Variants in DST observed in about 807,000 individuals in gnomAD.
The protein encoded by DST is dystonin.
DST carries 253 observed loss-of-function variants against 875.2 expected under a neutral mutation model. The ratio of observed to expected loss-of-function variants is 0.29; its 90% CI spans 0.26 to 0.32. The LOEUF is 0.32. Among genes scored for constraint, DST ranks in the 10% least tolerant of loss-of-function variants. The pLI, the probability that DST is intolerant of heterozygous loss-of-function variation, is 1.00. For synonymous variants in DST, 3,124 were observed against 3,197.1 expected, an observed-to-expected ratio of 0.98 and a Z score of 0.77; for missense variants, 8,287 against 9,111.6, an observed-to-expected ratio of 0.91 and a Z score of 3.68.
chr6:56,686,660 T>C (rs1429304053), intron 9 of DST, among the ~76,000 whole-genome samples: 2 of 152,156 alleles, frequency 1.3e-5, no homozygotes, highest in Admixed American at 1.3e-4. Flanking sequence ...AATGAGAGGA[T>C]GAATGAAGGT....
chr6:56,579,503 C>T (rs957265853), intron 49 of DST, among the ~76,000 whole-genome samples: 3 of 152,006 alleles, frequency 2.0e-5, no homozygotes, highest in Non-Finnish European at 2.9e-5. Flanking sequence ...TTTTATGGTT[C>T]GAGGCAGGAA....
intron 92 of DST, among the ~76,000 whole-genome samples, chr6:56,475,582 T>C (rs1356532025): frequency 6.6e-6 from 1 of 152,214 alleles, no homozygotes; most frequent in Non-Finnish European, 1.5e-5. Flanking sequence ...GAAGGATATA[T>C]AGGAAGGCTG....
intron 36 of DST, chr6:56,615,069 C>G: frequency 2.0e-6 from 2 of 1,017,330 alleles, no homozygotes. Flanking sequence ...CAATCTAAAA[C>G]ACTGCAGCTT....
intron 48 of DST, 27 bp from the exon 49 acceptor site, chr6:56,592,385 G>A: frequency 6.5e-7 from 1 of 1,548,150 alleles, no homozygotes; most frequent in Non-Finnish European, 8.8e-7. Context: ...AAAAGGGGTA[G>A]GAGATTAAAA....
rs542445015 is a variant in DST, at chr6:56,536,102, C to T, written c.16770+677G>A. Among the ~76,000 whole-genome samples the T allele has an allele frequency of 2.0e-5, 3 of 152,352 alleles. No individual in the cohort carries two copies. In the South Asian group the frequency reaches 6.2e-4, roughly 32 times the overall value. On this transcript the variant is annotated intron_variant, in intron 62 of 103. Coordinates refer to ENST00000680361, the MANE Select transcript of DST (RefSeq NM_001374736.1). ...CACCACTGCCACAACCAGATATGCA[C>T]TGCCATCCCATAATAATTTTCTGAT...
In DST at chr6:56,593,685, C is replaced by T. The variant is rs1213650979; in HGVS notation, c.12704G>A (p.Arg4235Gln). 20 of 1,602,838 alleles carry T rather than the reference C, an allele frequency of 1.2e-5. 1 individual carries two copies. Among genetic ancestry groups the T allele is most frequent in the Middle Eastern group, 3.3e-4 (2 of 5,998 alleles). Reference protein sequence around the residue: ...VQRKLDHATDRFRSLYSKCNV... With the variant: ...VQRKLDHATDQFRSLYSKCNV... ...TACCTTAGAGTAGAGAGACCTGAAC[C>T]GATCAGTAGCATGATCCAACTTGCG... is the stretch of plus-strand genomic sequence containing the variant. The change falls in exon 48 of 104, where the codon CGG becomes CAG. Residue 4235 changes from arginine to glutamine, a missense_variant. Coordinates refer to ENST00000680361, the MANE Select transcript of DST (RefSeq NM_001374736.1).
rs2099264992 is a variant in DST, at chr6:56,696,541, G to A, written c.1047+3112C>T. Among the ~76,000 whole-genome samples the A allele has an allele frequency of 3.9e-5, 6 of 152,086 alleles. No individual in the cohort carries two copies. The South Asian group carries it at 1.2e-3, about 32-fold the overall frequency. On this transcript the variant is annotated intron_variant, in intron 9 of 103. Coordinates refer to ENST00000680361, the MANE Select transcript of DST (RefSeq NM_001374736.1). ...AGCTGAACCCCAAAGGGCTCTCTTA[G>A]TATATAACTCCTTTTTGAAGACTTT...
At chr6:56,717,182 C>CAAAT (rs35485370) in intron 5 of DST, among the ~76,000 whole-genome samples, 43,019 of 142,534 alleles carry the variant, frequency 0.3, 6,770 homozygotes, top group South Asian at 0.37. Context: ...GACTCCGTCT[C>CAAAT]AAATAAATAA....
In DST at chr6:56,864,626, C is replaced by T. The variant is rs531047996; in HGVS notation, c.418-13022G>A. The stretch of plus-strand genomic sequence containing the variant: ...ATCTTTAACTTGCTCGTATTCTAAA[C>T]GTGAATAATCATACCTACTTCACTA... On this transcript the variant is annotated intron_variant, in intron 3 of 103. Transcript: ENST00000680361. Among the ~76,000 whole-genome samples, 19 of 152,098 alleles carry T rather than the reference C, an allele frequency of 1.2e-4. 1 individual carries two copies. The South Asian group carries it at 3.1e-3, about 25-fold the overall frequency.
intron 2 of DST, among the ~76,000 whole-genome samples, chr6:56,937,947 G>A (rs1813882538): frequency 6.6e-6 from 1 of 152,102 alleles, no homozygotes; most frequent in African/African-American, 2.4e-5. Context: ...ATGTCCAGGA[G>A]AGGCACTATC....
intron 78 of DST, among the ~76,000 whole-genome samples, chr6:56,503,431 T>G (rs2096202278): frequency 6.6e-6 from 1 of 151,666 alleles, no homozygotes; most frequent in Non-Finnish European, 1.5e-5. Flanking sequence ...CCCACGAAAA[T>G]TAAAAATTAA....
intron 2 of DST, among the ~76,000 whole-genome samples, chr6:56,903,519 G>A (rs1795055983): frequency 6.6e-6 from 1 of 152,146 alleles, no homozygotes; most frequent in African/African-American, 2.4e-5. Context: ...GAGTGCAGTG[G>A]TGTGATCTCA....
At chr6:56,647,642 A>G (rs1209972369) in intron 13 of DST, among the ~76,000 whole-genome samples, 1 of 151,944 alleles carries the variant, frequency 6.6e-6, no homozygotes, top group Non-Finnish European at 1.5e-5. Context: ...AAATGAGACA[A>G]CTTACTCTTT....
At chr6:56,592,621 T>C (rs942654096) in intron 48 of DST, among the ~76,000 whole-genome samples, 9 of 152,178 alleles carry the variant, frequency 5.9e-5, no homozygotes, top group African/African-American at 1.9e-4. Flanking sequence ...AGTCTTAACA[T>C]AGAATAAAAG....
chr6:56,851,832 G>C (rs1412736718), intron 3 of DST: 1 of 1,551,498 alleles, frequency 6.4e-7, no homozygotes, highest in Non-Finnish European at 8.7e-7. Context: ...CAATACACAG[G>C]CAGTTTCAAT....
At chr6:56,668,397 T>C (rs937636647) in intron 10 of DST, among the ~76,000 whole-genome samples, 2 of 152,080 alleles carry the variant, frequency 1.3e-5, no homozygotes, top group Non-Finnish European at 2.9e-5. Flanking sequence ...TTAAATGTTG[T>C]TCCACAAAGG....
At chr6:56,909,959 G>A (rs774280099) in intron 2 of DST, among the ~76,000 whole-genome samples, 21 of 151,964 alleles carry the variant, frequency 1.4e-4, no homozygotes, top group Non-Finnish European at 2.6e-4. Context: ...TTTGTCAGCC[G>A]GGAAAAAAAA....
At chr6:56,650,858 A>T in intron 12 of DST, 68 bp downstream of exon 12, 1 of 963,304 alleles carries the variant, frequency 1.0e-6, no homozygotes, top group Non-Finnish European at 1.6e-6. Flanking sequence ...AAAAATCATT[A>T]TCAATAAATG....
At chr6:56,761,295 G>A (rs2099616611) in intron 4 of DST, among the ~76,000 whole-genome samples, 1 of 152,152 alleles carries the variant, frequency 6.6e-6, no homozygotes, top group African/African-American at 2.4e-5. Context: ...GTGGCCCACA[G>A]AGTTATTAAA....
Sources: gnomAD v4.1 joint callset for allele counts (sites outside exome capture counted in the v4.1 genomes callset) on GRCh38, gnomAD v4.1.1 for gene constraint, MANE v1.5 for transcripts, NCBI Gene and HGNC (gene_info 2026-07-23, HGNC 2026-07-21) for gene names.